Variants in AFF3 observed in about 807,000 individuals in gnomAD.
The protein encoded by AFF3 is AF4/FMR2 family member 3.
AFF3 carries 32 observed loss-of-function variants against 129.7 expected under a neutral mutation model. The ratio of observed to expected loss-of-function variants is 0.25; its 90% CI spans 0.19 to 0.33. The LOEUF (loss-of-function observed/expected upper bound fraction) is 0.33, where lower values mean the gene tolerates loss of function less well. AFF3 is among the 10% of genes least tolerant of loss of function. AFF3 has a pLI of 1.00. For synonymous variants in AFF3, 644 were observed against 635.4 expected (o/e 1.01, Z -0.20); for missense variants, 1,373 against 1,592.0 (o/e 0.86, Z 2.34).
intron 8 of AFF3, among the ~76,000 whole-genome samples, chr2:99,759,454 T>TCC (rs1682399934): frequency 6.6e-6 from 1 of 152,228 alleles, no homozygotes; most frequent in Non-Finnish European, 1.5e-5. Context: ...TTACTTATCT[T>TCC]TGTGGAGACT....
chr2:99,867,917 C>G (rs577761318), intron 7 of AFF3, among the ~76,000 whole-genome samples: 1 of 152,228 alleles, frequency 6.6e-6, no homozygotes, highest in Non-Finnish European at 1.5e-5. Flanking sequence ...AGGCTAATCA[C>G]GCCCCTGGGC....
At position 99,551,605 on chromosome 2, in the gene AFF3, C is replaced by G. The variant is rs1457589134; in HGVS notation, c.3560-10G>C. The G allele has an allele frequency of 6.2e-7, 1 of 1,613,726 alleles. No individual in the cohort carries two copies. Among genetic ancestry groups the G allele is most frequent in the Non-Finnish European group, 8.5e-7 (1 of 1,179,900 alleles). ...AGGTCGTTGAAGAATTCTAGGGGGA[C>G]AGAAAGAGTTGTTAAGAATGCCACA... On this transcript the variant is annotated splice_polypyrimidine_tract_variant and intron_variant, in intron 24 of 24. Transcript: ENST00000672756.
intron 2 of AFF3, among the ~76,000 whole-genome samples, chr2:100,124,513 C>A (rs1189900538): frequency 6.6e-6 from 1 of 152,164 alleles, no homozygotes; most frequent in Admixed American, 6.5e-5. Flanking sequence ...GTATTATAGA[C>A]ATATTCCAGA....
At chr2:100,106,865 A>G (rs1383197005) in intron 2 of AFF3, 1 of 985,378 alleles carries the variant, frequency 1.0e-6, no homozygotes. Context: ...AGATGATCCC[A>G]GAAAAGGAAA....
At chr2:99,731,213 T>C (rs929735024) in intron 10 of AFF3, among the ~76,000 whole-genome samples, 1 of 152,008 alleles carries the variant, frequency 6.6e-6, no homozygotes, top group Non-Finnish European at 1.5e-5. Flanking sequence ...CCTCCTTGGC[T>C]TCCCAAAGTG....
intron 7 of AFF3, among the ~76,000 whole-genome samples, chr2:99,852,223 C>G (rs1023176517): frequency 3.9e-5 from 6 of 152,152 alleles, no homozygotes; most frequent in Non-Finnish European, 5.9e-5. Context: ...GCCTCTCCTG[C>G]TTCCTGCTTT....
intron 8 of AFF3, among the ~76,000 whole-genome samples, chr2:99,787,350 C>G (rs1194816184): frequency 6.6e-6 from 1 of 152,096 alleles, no homozygotes; most frequent in Non-Finnish European, 1.5e-5. Flanking sequence ...CTGGAGCCTG[C>G]CTTCGGATAG....
At chr2:99,888,551 T>C (rs1693295699) in intron 7 of AFF3, among the ~76,000 whole-genome samples, 1 of 152,234 alleles carries the variant, frequency 6.6e-6, no homozygotes, top group Admixed American at 6.5e-5. Flanking sequence ...TTTTTAAAAA[T>C]TGTGTAAGTC....
At position 99,691,553 on chromosome 2, in the gene AFF3, A is replaced by G. The variant is rs1342139368; in HGVS notation, c.1092-18964T>C. On this transcript the variant is annotated intron_variant, in intron 11 of 24. Coordinates refer to ENST00000672756, the MANE Select transcript of AFF3 (RefSeq NM_001386135.1). ...ACTGCTGCCTCATAATCCTCAAAAC[A>G]ACCTAGAGAATTTTTTAGAGGTGAA... Among the ~76,000 whole-genome samples, 3 of 117,596 alleles carry G rather than the reference A, an allele frequency of 2.6e-5. No individual in the cohort carries two copies. The Admixed American group carries it at 2.7e-4, about 11-fold the overall frequency. 77.1% of individuals were successfully genotyped at this position (117,596 alleles called of 152,430 possible).
chr2:99,684,360 C>T (rs1360031427), intron 11 of AFF3, among the ~76,000 whole-genome samples: 3 of 152,186 alleles, frequency 2.0e-5, no homozygotes, highest in Admixed American at 6.5e-5. Context: ...AGAGGTGCAG[C>T]CATCTCCCCT....
rs1296561195 is a variant in AFF3 at position 99,707,544 on chromosome 2, A to G, written c.1091+19533T>C. ...AGTTAGGTAGCCTTCTTTGATATTG[A>G]ATTACCAAAGTATCTCGCTGAAAAA... On this transcript the variant is annotated intron_variant, in intron 11 of 24. Transcript: ENST00000672756. 3 of 981,482 alleles carry G rather than the reference A, an allele frequency of 3.1e-6. No individual in the cohort carries two copies. The East Asian group carries it at 3.5e-4, about 115-fold the overall frequency. The allele number at this position is 981,482 out of a possible 1,614,324, so 60.8% of individuals were successfully genotyped here.
At chr2:99,846,036 G>T (rs961359617) in intron 7 of AFF3, among the ~76,000 whole-genome samples, 61 of 151,932 alleles carry the variant, frequency 4.0e-4, no homozygotes, top group Admixed American at 5.9e-4. Context: ...GTTTCACCAC[G>T]TTAGCCAGGA....
intron 7 of AFF3, among the ~76,000 whole-genome samples, chr2:99,988,153 C>CA (rs1204637102): frequency 6.6e-6 from 1 of 152,046 alleles, no homozygotes; most frequent in African/African-American, 2.4e-5. Flanking sequence ...AGATGGTAGA[C>CA]AACAGAGAAG....
intron 8 of AFF3, among the ~76,000 whole-genome samples, chr2:99,772,852 C>T (rs1049038669): frequency 4.6e-5 from 7 of 152,190 alleles, no homozygotes; most frequent in African/African-American, 1.7e-4. Context: ...ATTAATCTTC[C>T]CCAAATGCCT....
At chr2:99,592,235 C>T (rs79617518) in intron 15 of AFF3, among the ~76,000 whole-genome samples, 5,313 of 152,274 alleles carry the variant, frequency 0.035, 114 homozygotes, top group East Asian at 0.047. Flanking sequence ...CCTGTCCTTG[C>T]TTTTGCTGCC....
rs1686765777 is a variant in AFF3, at chr2:100,056,131, C to T, written c.54-47199G>A. Among the ~76,000 whole-genome samples the T allele has an allele frequency of 2.7e-5, 4 of 150,436 alleles. No homozygotes were observed. In the South Asian group the frequency reaches 8.4e-4, roughly 32 times the overall value. On this transcript the variant is annotated intron_variant, in intron 4 of 24. Transcript: ENST00000672756. ...CTGGTTATGGCAGCAAATATAAACT[C>T]ATCAAACTGTATTATCACGCTAGTC...
intron 20 of AFF3, among the ~76,000 whole-genome samples, chr2:99,563,652 A>C (rs1053825072): frequency 1.3e-5 from 2 of 151,526 alleles, no homozygotes; most frequent in East Asian, 2.0e-4. Context: ...CTCTACTAAA[A>C]ATACAAAATT....
chr2:99,918,505 G>A (rs1014229611), intron 7 of AFF3, among the ~76,000 whole-genome samples: 1 of 152,132 alleles, frequency 6.6e-6, no homozygotes. Flanking sequence ...CTTCCATAAG[G>A]AGAATGTCTG....
intron 7 of AFF3, among the ~76,000 whole-genome samples, chr2:99,906,075 C>A (rs1159716370): frequency 2.0e-5 from 3 of 152,166 alleles, no homozygotes; most frequent in Non-Finnish European, 4.4e-5. Flanking sequence ...CCTACTACTC[C>A]AGCCAGCTGA....
Sources: allele counts gnomAD v4.1 joint callset (sites outside exome capture counted in the v4.1 genomes callset), GRCh38; gene constraint gnomAD v4.1.1; transcripts MANE v1.5; gene names NCBI Gene and HGNC (gene_info 2026-07-23, HGNC 2026-07-21).